The following BCL2L14 variants were observed in gnomAD, a reference collection of about 807,000 sequenced individuals.
BCL2L14 encodes BCL2 like 14.
Under a neutral mutation model 35.3 loss-of-function variants are expected in BCL2L14, and 27 were observed. The observed-to-expected ratio is 0.76, with a 90% CI of 0.56 to 1.05. BCL2L14 has a LOEUF of 1.05. Ranked by LOEUF, BCL2L14 falls within the 50% of genes least tolerant of loss-of-function variation. The pLI, the probability that BCL2L14 is intolerant of heterozygous loss-of-function variation, is 0.00. For missense variants in BCL2L14, 377 were observed against 382.6 expected (o/e 0.99, Z 0.12); for synonymous variants, 139 against 145.9 (o/e 0.95, Z 0.34).
intron 2 of BCL2L14, among the ~76,000 whole-genome samples, chr12:12,082,831 G>A (rs1294618529): frequency 6.6e-6 from 1 of 152,106 alleles, no homozygotes; most frequent in Non-Finnish European, 1.5e-5. Context: ...TCAGTTAATT[G>A]TGTGTTTTTT....
intron 2 of BCL2L14, among the ~76,000 whole-genome samples, chr12:12,065,852 C>T (rs1948587834): frequency 6.6e-6 from 1 of 151,332 alleles, no homozygotes; most frequent in Non-Finnish European, 1.5e-5. Flanking sequence ...AGTGCAGTGG[C>T]ACAATCTTGG....
Position 12,098,958 on chromosome 12 carries a change from A to T in BCL2L14, c.954A>T (p.Ile318=). The change falls in exon 6 of 6, where the codon ATA becomes ATT. Residue 318 remains isoleucine (I), a synonymous_variant. Coordinates refer to ENST00000308721, the MANE Select transcript of BCL2L14 (RefSeq NM_138723.2). ...WIQQHGGWEK[I]LGISHEEVD is the part of the protein sequence containing the mutation. ...CTATTTTTCCCCTCTAGGAAAAAAT[A>T]CTTGGGATATCACATGAAGAAGTAG... 1 of 1,596,084 alleles carries T rather than the reference A, an allele frequency of 6.3e-7. No individual in the cohort carries two copies. The highest frequency in any genetic ancestry group is 8.6e-7 in the Non-Finnish European group (1 of 1,163,494).
intron 3 of BCL2L14, among the ~76,000 whole-genome samples, chr12:12,088,096 G>A (rs539214486): frequency 2.3e-4 from 35 of 152,268 alleles, no homozygotes; most frequent in South Asian, 1.0e-3. Flanking sequence ...CGTGAGGTTC[G>A]TTGTCTCATG....
chr12:12,076,444 G>A (rs1948783025), intron 1 of BCL2L14, among the ~76,000 whole-genome samples: 1 of 152,094 alleles, frequency 6.6e-6, no homozygotes, highest in Non-Finnish European at 1.5e-5. Context: ...AGAGGAGGAG[G>A]AAGGATTGCA....
chr12:12,056,006 C>T (rs1481236058), intron 2 of BCL2L14, among the ~76,000 whole-genome samples: 2 of 152,190 alleles, frequency 1.3e-5, no homozygotes, highest in African/African-American at 4.8e-5. Flanking sequence ...ATCCCCGAGG[C>T]GATGTCTGAT....
intron 5 of BCL2L14, chr12:12,095,521 C>A: frequency 2.0e-6 from 2 of 985,436 alleles, no homozygotes; most frequent in South Asian, 9.4e-5. Context: ...CATCCCTCAT[C>A]CCCAGTTCCT....
At chr12:12,092,373 A>G (rs1479222863) in intron 4 of BCL2L14, among the ~76,000 whole-genome samples, 2 of 152,158 alleles carry the variant, frequency 1.3e-5, no homozygotes, top group East Asian at 1.9e-4. Flanking sequence ...TTTCCTTTAC[A>G]TGCTTCCCCA....
At position 12,095,744 on chromosome 12, in the gene BCL2L14, G is replaced by A. The variant is rs1009083883; in HGVS notation, c.945+814G>A. On this transcript the variant is annotated intron_variant, in intron 5 of 5. Transcript: ENST00000308721. The stretch of plus-strand genomic sequence containing the variant: ...CTAGGCATGGCTGGAGTGACCCTGG[G>A]ACCTCCACACAGCCTTGGTCTCTTT... The A allele has an allele frequency of 4.1e-6, 4 of 985,270 alleles. No individual in the cohort carries two copies. The African/African-American group carries it at 5.2e-5, about 13-fold the overall frequency. 61.0% of individuals were successfully genotyped at this position (985,270 alleles called of 1,614,324 possible).
intron 2 of BCL2L14, among the ~76,000 whole-genome samples, chr12:12,052,378 C>T (rs1028003905): frequency 2.9e-5 from 4 of 139,208 alleles, no homozygotes; most frequent in South Asian, 2.3e-4. Context: ...TCCCAACCAC[C>T]GCTCCACCCC....
intron 2 of BCL2L14, among the ~76,000 whole-genome samples, chr12:12,058,657 A>G (rs1002188618): frequency 2.0e-5 from 3 of 151,526 alleles, no homozygotes; most frequent in Non-Finnish European, 4.4e-5. Context: ...CCTATAAAAC[A>G]GCCCCACCCC....
At chr12:12,055,927 C>A (rs577006337) in intron 2 of BCL2L14, 1 of 152,338 alleles carries the variant, frequency 6.6e-6, no homozygotes, top group South Asian at 2.1e-4. Flanking sequence ...CAGGCCCCAT[C>A]CTTGGGCATG....
At chr12:12,080,544 T>C (rs1184634635) in intron 2 of BCL2L14, among the ~76,000 whole-genome samples, 1 of 147,790 alleles carries the variant, frequency 6.8e-6, no homozygotes, top group Admixed American at 6.8e-5. Context: ...CGCTTGAACC[T>C]GGGAGGCGGA....
chr12:12,082,387 G>A (rs1591825199), intron 2 of BCL2L14, among the ~76,000 whole-genome samples: 3 of 152,204 alleles, frequency 2.0e-5, no homozygotes, highest in Non-Finnish European at 4.4e-5. Context: ...GGTGGCATCT[G>A]GGCTCTGGGG....
upstream of BCL2L14, among the ~76,000 whole-genome samples, chr12:12,068,916 G>C (rs986204714): frequency 6.6e-6 from 1 of 152,144 alleles, no homozygotes; most frequent in African/African-American, 2.4e-5. Context: ...TAAACAAAAA[G>C]TGAATTATTC....
chr12:12,075,425 CT>C (rs1258768035), intron 1 of BCL2L14, among the ~76,000 whole-genome samples: 1 of 134,154 alleles, frequency 7.5e-6, no homozygotes, highest in Non-Finnish European at 1.6e-5. Flanking sequence ...TTCTTTCTTT[CT>C]TTCTTTCTTT....
chr12:12,077,713 A>T (rs1207196309), intron 1 of BCL2L14: 1 of 179,276 alleles, frequency 5.6e-6, no homozygotes, highest in Non-Finnish European at 1.2e-5. Flanking sequence ...CAGGAAGTTC[A>T]TGTTTGGAGA....
At position 12,079,144 on chromosome 12, in the gene BCL2L14, C is replaced by T. The variant is rs139001444; in HGVS notation, c.-7-155C>T. ...TCTATGGCCATGTCTCTCTTCCCACCCTAGTAAGACTGTGGCTTTTCCCTC... is the reference window on the plus strand; with the variant it reads ...TCTATGGCCATGTCTCTCTTCCCACTCTAGTAAGACTGTGGCTTTTCCCTC... On this transcript the variant is annotated intron_variant, in intron 1 of 5. Transcript: ENST00000308721. 369 of 646,800 alleles carry T rather than the reference C, an allele frequency of 5.7e-4. 2 individuals are homozygous for T. The highest frequency in any genetic ancestry group is 5.5e-3 in the African/African-American group (300 of 54,734). 40.1% of individuals were successfully genotyped at this position (646,800 alleles called of 1,614,324 possible). A position where few individuals can be genotyped will look rare whatever the true frequency, so the allele number is the denominator to read the frequency against.
At chr12:12,088,409 T>G (rs1233414250) in intron 3 of BCL2L14, among the ~76,000 whole-genome samples, 1 of 152,034 alleles carries the variant, frequency 6.6e-6, no homozygotes, top group Admixed American at 6.6e-5. Context: ...CCCAGCGCCA[T>G]GTTGTCTGCT....
chr12:12,067,940 C>CT (rs36031217), upstream of BCL2L14, among the ~76,000 whole-genome samples: 3,954 of 147,098 alleles, frequency 0.027, 152 homozygotes, highest in African/African-American at 0.086. Context: ...CCTTTCAGGA[C>CT]TTTTTTTTTT....
Sources: gnomAD v4.1 joint callset for allele counts (sites outside exome capture counted in the v4.1 genomes callset) on GRCh38, gnomAD v4.1.1 for gene constraint, MANE v1.5 for transcripts, NCBI Gene and HGNC (gene_info 2026-07-23, HGNC 2026-07-21) for gene names.